Variants in CIT observed in about 807,000 individuals in gnomAD.
CIT encodes citron Rho-interacting kinase.
Under a neutral mutation model 272.7 loss-of-function variants are expected in CIT, and 79 were observed. The observed-to-expected ratio is 0.29, with a 90% CI of 0.24 to 0.35. The LOEUF (loss-of-function observed/expected upper bound fraction) is 0.35. Ranked by LOEUF, CIT falls within the 10% of genes least tolerant of loss-of-function variation. The probability of loss-of-function intolerance (pLI) is 1.00; values close to 1 mark genes in which losing one functional copy is unlikely to be tolerated. For missense variants in CIT, 1,909 were observed against 2,618.3 expected (o/e 0.73, Z 5.91); for synonymous variants, 948 against 995.6 (o/e 0.95, Z 0.90).
chr12:119,871,521 T>C (rs1950678313), intron 2 of CIT, among the ~76,000 whole-genome samples: 1 of 151,972 alleles, frequency 6.6e-6, no homozygotes, highest in African/African-American at 2.4e-5. Context: ...ACCAAATGAA[T>C]TAGAATTTTC....
At chr12:119,723,158 A>G (rs1374943531) in intron 28 of CIT, among the ~76,000 whole-genome samples, 1 of 152,168 alleles carries the variant, frequency 6.6e-6, no homozygotes, top group Non-Finnish European at 1.5e-5. Context: ...ACAGGAAAAA[A>G]GGAAAGAAAC....
chr12:119,690,182 G>T lies in CIT; in HGVS notation c.6155C>A (p.Ala2052Asp). The T allele has an allele frequency of 6.7e-7, 1 of 1,486,044 alleles. No individual in the cohort carries two copies. 92.1% of individuals were successfully genotyped at this position (1,486,044 alleles called of 1,614,324 possible). A position where few individuals can be genotyped will look rare whatever the true frequency, so the allele number is the denominator to read the frequency against. The change falls in exon 47 of 48, where the codon GCC becomes GAC. Residue 2052 changes from alanine to aspartate, a missense_variant. Ala to Asp is a moderately radical substitution (Grantham distance 126). Transcript: ENST00000392521. The surrounding 1 kb of genome is among the most constrained non-coding windows in gnomAD (Gnocchi z 6.0). ...DSSRGRLPAG[A>D]VRTPLSQVNK... ...CACCTGGGACAGCGGGGTCCTCACG[G>T]CTCCCGCAGGCAGCCGGCCCCTGCT...
chr12:119,740,447 CATTATTTTG>C (rs1959003637), intron 24 of CIT, among the ~76,000 whole-genome samples: 1 of 151,990 alleles, frequency 6.6e-6, no homozygotes, highest in South Asian at 2.1e-4. Flanking sequence ...TAACAAAATT[CATTATTTTG>C]ATTGTTTTGC....
At chr12:119,742,361 C>A (rs1959099782) in intron 24 of CIT, 50 bp downstream of exon 24, 2 of 1,356,246 alleles carry the variant, frequency 1.5e-6, no homozygotes, top group Non-Finnish European at 2.0e-6. Context: ...TTTTCCTCCT[C>A]TGTTTTAGTT....
intron 4 of CIT, among the ~76,000 whole-genome samples, chr12:119,850,720 G>A (rs1159263376): frequency 2.0e-5 from 3 of 152,106 alleles, no homozygotes; most frequent in African/African-American, 7.2e-5. Flanking sequence ...TCACTGGTGT[G>A]GAACAAGGTA....
intron 7 of CIT, among the ~76,000 whole-genome samples, chr12:119,830,328 G>C (rs1968520713): frequency 6.6e-6 from 1 of 151,534 alleles, no homozygotes. Context: ...TCCCCACCTG[G>C]AGTGAAGGTT....
rs1421586273 is a variant in CIT at position 119,690,841 on chromosome 12, C to T, written c.5883-387G>A. Among the ~76,000 whole-genome samples, 8 of 152,122 alleles carry T rather than the reference C, an allele frequency of 5.3e-5. No individual in the cohort carries two copies. The highest frequency in any genetic ancestry group is 1.7e-4 in the African/African-American group (7 of 41,416). ...GGACAGACAGGAGTTAGGTGACTTGCCTGAGCTAATGAGTGGTAGAGCTGG... is the reference window on the plus strand; with the variant it reads ...GGACAGACAGGAGTTAGGTGACTTGTCTGAGCTAATGAGTGGTAGAGCTGG... On this transcript the variant is annotated intron_variant, in intron 46 of 47. Coordinates refer to ENST00000392521, the MANE Select transcript of CIT (RefSeq NM_001206999.2). The surrounding 1 kb of genome is among the most constrained non-coding windows in gnomAD (Gnocchi z 6.0).
In CIT at chr12:119,786,715, G is replaced by A. The variant is rs137992948; in HGVS notation, c.1296-1650C>T. On this transcript the variant is annotated intron_variant, in intron 10 of 47. Transcript: ENST00000392521. ...AGCAATGCAAAACACCTCTCTCCCC[G>A]CAGCTCCTGGCAATGACAAGGGCTG... is the stretch of plus-strand genomic sequence containing the variant. Among the ~76,000 whole-genome samples, 168 of 152,254 alleles carry A rather than the reference G, an allele frequency of 1.1e-3. 1 individual carries two copies. The Middle Eastern group carries it at 0.014, about 12-fold the overall frequency.
chr12:119,772,065 G>A (rs1047545403), intron 17 of CIT, among the ~76,000 whole-genome samples: 1 of 152,132 alleles, frequency 6.6e-6, no homozygotes, highest in African/African-American at 2.4e-5. Flanking sequence ...GCCCAAAAGA[G>A]ACATGTACCA....
chr12:119,718,929 C>A lies in CIT; in HGVS notation c.3841-68G>T. ...GCACTTGAAACTAGCTAAAGGAAATCTGACTCGGGAGGAGCAAACCACAAA... is the reference window on the plus strand; with the variant it reads ...GCACTTGAAACTAGCTAAAGGAAATATGACTCGGGAGGAGCAAACCACAAA... On this transcript the variant is annotated intron_variant, in intron 30 of 47. Transcript: ENST00000392521. This position sits in a 1 kb window ranked among gnomAD's most constrained non-coding sequence, Gnocchi z 4.8. 3 of 1,536,050 alleles carry A rather than the reference C, an allele frequency of 2.0e-6. No homozygotes were observed. Among genetic ancestry groups the A allele is most frequent in the Non-Finnish European group, 1.8e-6 (2 of 1,117,518 alleles).
At position 119,712,411 on chromosome 12, in the gene CIT, G is replaced by T. The variant is rs987097900; in HGVS notation, c.4685-64C>A. The stretch of plus-strand genomic sequence containing the variant: ...TCCCCCGTTCCCACTGGGAGGGACG[G>T]GCCTGAGAGATCAAAGATGCCCACC... On this transcript the variant is annotated intron_variant, in intron 36 of 47. Coordinates refer to ENST00000392521, the MANE Select transcript of CIT (RefSeq NM_001206999.2). The surrounding 1 kb of genome is among the most constrained non-coding windows in gnomAD (Gnocchi z 5.2). The T allele has an allele frequency of 2.2e-5, 34 of 1,523,702 alleles. No individual in the cohort carries two copies. The highest frequency in any genetic ancestry group is 3.0e-5 in the Non-Finnish European group (34 of 1,121,906). The allele number at this position is 1,523,702 out of a possible 1,614,324, so 94.4% of individuals were successfully genotyped here.
intron 5 of CIT, among the ~76,000 whole-genome samples, chr12:119,848,321 T>A (rs895240251): frequency 2.0e-5 from 3 of 152,060 alleles, no homozygotes; most frequent in African/African-American, 7.2e-5. Context: ...AGCAGCAAAT[T>A]CCCCAAAAAC....
At chr12:119,787,696 A>T (rs1477048688) in intron 10 of CIT, among the ~76,000 whole-genome samples, 39 of 144,428 alleles carry the variant, frequency 2.7e-4, no homozygotes, top group African/African-American at 1.0e-3. Flanking sequence ...GCACCACAGC[A>T]CTCCAGCCTG....
chr12:119,695,656 T>A (rs1956186456), intron 46 of CIT, among the ~76,000 whole-genome samples: 1 of 152,028 alleles, frequency 6.6e-6, no homozygotes, highest in Non-Finnish European at 1.5e-5. Context: ...ATTAGCTGGG[T>A]GTGGTGGCAC....
At chr12:119,743,276 T>C (rs1257807603) in intron 23 of CIT, among the ~76,000 whole-genome samples, 2 of 149,956 alleles carry the variant, frequency 1.3e-5, no homozygotes, top group African/African-American at 2.4e-5. Context: ...CTTACTTAGA[T>C]GGGATGGTCA....
chr12:119,702,079 T>G, intron 41 of CIT, 121 bp from the exon 42 acceptor site: 1 of 714,656 alleles, frequency 1.4e-6, no homozygotes, highest in Non-Finnish European at 2.4e-6. Flanking sequence ...TCACCAAGCT[T>G]GTTCACGTTG....
At position 119,713,550 on chromosome 12, in the gene CIT, G is replaced by A. The variant is rs188731838; in HGVS notation, c.4405C>T (p.Arg1469Cys). 219 of 1,614,202 alleles carry A rather than the reference G, an allele frequency of 1.4e-4. No individual in the cohort carries two copies. The highest frequency in any genetic ancestry group is 1.3e-3 in the Middle Eastern group (8 of 6,062). Residue 1469 changes from arginine to cysteine, a missense_variant, in exon 34 of 48, where the codon CGT (arginine) becomes TGT (cysteine). Arg to Cys is a radical substitution (Grantham distance 180). This residue lies in a region of CIT where 780 missense variants were observed against 1,067.2 expected (regional missense o/e 0.73). Coordinates refer to ENST00000392521, the MANE Select transcript of CIT (RefSeq NM_001206999.2). This position sits in a 1 kb window ranked among gnomAD's most constrained non-coding sequence, Gnocchi z 5.2. ...YATHFTEAFC[R>C]DKMNSPGLQT... ...AGACCTGGGGAGTTCATTTTGTCAC[G>A]GCAGAAGGCCTCGGTGAAGTGTGTG... is the stretch of plus-strand genomic sequence containing the variant.
In CIT at chr12:119,760,982, T is replaced by G; in HGVS notation, c.2378A>C (p.Glu793Ala). 6.2e-7 allele frequency: 1 copy of G among 1,614,188 alleles called. No individual in the cohort carries two copies. Among genetic ancestry groups the G allele is most frequent in the Non-Finnish European group, 8.5e-7 (1 of 1,180,018 alleles). ...TLENMMQRHE[E>A]EAHEKGKILS... ...AATTTTGCCCTTCTCATGGGCCTCC[T>G]CCTCGTGTCTCTGCATCATGTTCTC... The change falls in exon 20 of 48, where the codon GAG (glutamate) becomes GCG (alanine). Residue 793 changes from glutamate to alanine, a missense_variant. Around this residue, in one of 8 missense-constraint regions of CIT, gnomAD observed 530 missense variants for 822.4 expected, o/e 0.64. Transcript: ENST00000392521.
At chr12:119,721,650 T>G (rs1216587504) in intron 28 of CIT, among the ~76,000 whole-genome samples, 1 of 152,224 alleles carries the variant, frequency 6.6e-6, no homozygotes. Flanking sequence ...AAACCTCTGC[T>G]GGCCAACAAG....
Sources: gnomAD v4.1 joint callset for allele counts (sites outside exome capture counted in the v4.1 genomes callset) on GRCh38, gnomAD v4.1.1 for gene constraint, gnomAD v4.1.1 regional missense constraint, Gnocchi (gnomAD v3.1) non-coding constraint, MANE v1.5 for transcripts, NCBI Gene and HGNC (gene_info 2026-07-23, HGNC 2026-07-21) for gene names.